The following TBC1D8B variants were observed in gnomAD, a reference collection of about 807,000 sequenced individuals.
TBC1D8B encodes RP11-321G1.1.
TBC1D8B carries 75 observed loss-of-function variants against 82.9 expected under a neutral mutation model. The ratio of observed to expected loss-of-function variants is 0.90; its 90% CI spans 0.75 to 1.10. The LOEUF is 1.10. Ranked by LOEUF, TBC1D8B falls within the 50% of genes least tolerant of loss-of-function variation. The pLI is 0.00. For synonymous variants in TBC1D8B, 276 were observed against 276.8 expected, an observed-to-expected ratio of 1.00 and a Z score of 0.03; for missense variants, 794 against 796.9, an observed-to-expected ratio of 1.00 and a Z score of 0.04.
At chrX:106,865,752 T>C (rs1284596951) in intron 15 of TBC1D8B, 41 bp from the exon 16 acceptor site, 1 of 1,137,712 alleles carries the variant, frequency 8.8e-7, no homozygotes, top group Non-Finnish European at 1.2e-6. Flanking sequence ...AAAATTACTT[T>C]TTCTAATTAG....
intron 10 of TBC1D8B, among the ~76,000 whole-genome samples, chrX:106,844,767 C>T (rs781309099): frequency 9.1e-6 from 1 of 109,803 alleles, no homozygotes; most frequent in African/African-American, 3.3e-5. Flanking sequence ...ATAGCGTTTC[C>T]TCCTTTCCTA....
At chrX:106,855,449 T>C (rs1401559726) in intron 14 of TBC1D8B, among the ~76,000 whole-genome samples, 1 of 112,147 alleles carries the variant, frequency 8.9e-6, no homozygotes, top group African/African-American at 3.2e-5. Flanking sequence ...CACACATGCA[T>C]GTGTATTGGA....
intron 13 of TBC1D8B, 48 bp downstream of exon 13, chrX:106,853,698 A>T (rs1932639672): frequency 9.1e-7 from 1 of 1,104,067 alleles, no homozygotes; most frequent in Admixed American, 2.2e-5. Flanking sequence ...ATTTAAAATG[A>T]TTGAACTATG....
chrX:106,848,709 A>T (rs12848637), intron 11 of TBC1D8B, among the ~76,000 whole-genome samples: 22,864 of 110,708 alleles, frequency 0.21, 2,172 homozygotes, highest in South Asian at 0.35. Context: ...TGTATGAATT[A>T]TATAGATATT....
At chrX:106,870,541 A>C (rs1932841458) in intron 19 of TBC1D8B, among the ~76,000 whole-genome samples, 175 bp from the exon 20 acceptor site, 1 of 111,752 alleles carries the variant, frequency 8.9e-6, no homozygotes, top group South Asian at 3.8e-4. Context: ...GAAATGGGAA[A>C]AGTATTCTGA....
intron 7 of TBC1D8B, among the ~76,000 whole-genome samples, chrX:106,833,667 G>T (rs1932097607): frequency 9.0e-6 from 1 of 111,324 alleles, no homozygotes; most frequent in East Asian, 2.8e-4. Flanking sequence ...GTGACTTTAT[G>T]AATACTTAAG....
chrX:106,870,833 A>C lies in TBC1D8B; in HGVS notation c.2967+20A>C, dbSNP rs781552949. On this transcript the variant is annotated intron_variant, in intron 20 of 20. Transcript: ENST00000357242. ...AATCAGGTATAGCATTTTTAAAAAG[A>C]AAATTCTAAGTTCTTGCTTTTTTGT... The C allele has an allele frequency of 9.0e-7, 1 of 1,113,921 alleles. No individual in the cohort carries two copies. The allele number at this position is 1,113,921 out of a possible 1,213,427, so 91.8% of individuals were successfully genotyped here.
chrX:106,854,507 G>A (rs1347258623), intron 14 of TBC1D8B, among the ~76,000 whole-genome samples: 1 of 110,595 alleles, frequency 9.0e-6, no homozygotes, highest in East Asian at 2.8e-4. Context: ...AACATGTTTT[G>A]TACTATTTGA....
Position 106,826,098 on chromosome X carries a change from T to G in TBC1D8B, c.896T>G (p.Leu299Trp). 8.3e-7 allele frequency: 1 copy of G among 1,210,903 alleles called. No individual in the cohort carries two copies. The highest frequency in any genetic ancestry group is 1.1e-6 in the Non-Finnish European group (1 of 895,047). ...TTTAGGCTGCCCAAAGGAGAGAGTT[T>G]GAAAGAAGTACATGAATGTTTCTTA... ...AFFRLPKGES[L>W]KEVHECFLWV... The change falls in exon 6 of 21, where the codon TTG becomes TGG. Residue 299 changes from leucine to tryptophan, a missense_variant. By Grantham distance (61) the Leu-to-Trp change is moderately conservative. Transcript: ENST00000357242.
At chrX:106,816,385 A>T (rs1931542332) in intron 1 of TBC1D8B, among the ~76,000 whole-genome samples, 2 of 111,616 alleles carry the variant, frequency 1.8e-5, no homozygotes, top group African/African-American at 6.5e-5. Flanking sequence ...TTTGGCTCCT[A>T]CTTTTCTTTC....
At chrX:106,828,156 C>A (rs771733463) in intron 7 of TBC1D8B, 2 of 110,948 alleles carry the variant, frequency 1.8e-5, no homozygotes, top group South Asian at 7.6e-4. Flanking sequence ...GAGAATACTA[C>A]AAACACCTCT....
chrX:106,858,167 T>C (rs1330605141), intron 14 of TBC1D8B, among the ~76,000 whole-genome samples: 2 of 112,505 alleles, frequency 1.8e-5, no homozygotes, highest in Non-Finnish European at 3.8e-5. Flanking sequence ...TAATATTTAG[T>C]GATGTTGATC....
chrX:106,808,947 A>C (rs1931274070), intron 1 of TBC1D8B, among the ~76,000 whole-genome samples: 1 of 111,652 alleles, frequency 9.0e-6, no homozygotes, highest in African/African-American at 3.3e-5. Context: ...GGATTGCTTG[A>C]GCCCAGGAGT....
chrX:106,803,431 G>T (rs1041274506), intron 1 of TBC1D8B, among the ~76,000 whole-genome samples: 1 of 54,210 alleles, frequency 1.8e-5, no homozygotes, highest in African/African-American at 7.2e-5. Context: ...GGGTACGCGG[G>T]GATGGTGAGG....
At chrX:106,806,582 A>G (rs893058880) in intron 1 of TBC1D8B, among the ~76,000 whole-genome samples, 4 of 111,608 alleles carry the variant, frequency 3.6e-5, no homozygotes, top group Non-Finnish European at 7.5e-5. Context: ...GGATTTAGGA[A>G]GGTCTGCCAA....
chrX:106,862,767 T>G (rs1430492222), intron 14 of TBC1D8B, among the ~76,000 whole-genome samples: 4 of 93,059 alleles, frequency 4.3e-5, no homozygotes, highest in Non-Finnish European at 8.4e-5. Context: ...TTTGGATGGG[T>G]TTTTTTTTGT....
intron 14 of TBC1D8B, among the ~76,000 whole-genome samples, chrX:106,856,579 T>C (rs956059652): frequency 2.7e-5 from 3 of 111,162 alleles, no homozygotes; most frequent in African/African-American, 9.8e-5. Context: ...AATTATTAAA[T>C]AGTTTATCCT....
chrX:106,826,148 A>G lies in TBC1D8B; in HGVS notation c.946A>G (p.Thr316Ala). The G allele has an allele frequency of 1.7e-6, 2 of 1,210,535 alleles. No individual in the cohort carries two copies. The highest frequency in any genetic ancestry group is 2.2e-6 in the Non-Finnish European group (2 of 894,807). ...FLWVPFSHFN[T>A]HGKMCISENY... ...ATGGGTACCATTCAGCCACTTCAAT[A>G]CTCATGGGAAAATGTGCATCTCAGA... Residue 316 changes from threonine to alanine, a missense_variant, in exon 6 of 21, where the codon ACT (threonine) becomes GCT (alanine). Coordinates refer to ENST00000357242, the MANE Select transcript of TBC1D8B (RefSeq NM_017752.3).
chrX:106,834,560 T>C (rs5962762), intron 7 of TBC1D8B, among the ~76,000 whole-genome samples: 7,101 of 111,142 alleles, frequency 0.064, 604 homozygotes, highest in African/African-American at 0.22. Context: ...TTCATTCCCA[T>C]ATTAACCCAA....
Sources: allele counts gnomAD v4.1 joint callset (sites outside exome capture counted in the v4.1 genomes callset), GRCh38; gene constraint gnomAD v4.1.1; transcripts MANE v1.5; gene names NCBI Gene and HGNC (gene_info 2026-07-23, HGNC 2026-07-21).